RGS7: variants seen among roughly 807,000 people sequenced by gnomAD.
RGS7 encodes the protein regulator of G-protein signaling 7.
Under a neutral mutation model 81.1 loss-of-function variants are expected in RGS7, and 27 were observed. That is an observed-to-expected ratio of 0.33 (90% CI 0.25 to 0.46). The LOEUF is 0.46. RGS7 is among the 20% of genes least tolerant of loss of function. The pLI is 1.00. For missense variants in RGS7, 396 were observed against 607.4 expected (o/e 0.65, Z 3.66); for synonymous variants, 208 against 207.7 (o/e 1.00, Z -0.01).
chr1:241,232,980 T>TA (rs1304706905), intron 2 of RGS7, among the ~76,000 whole-genome samples: 7 of 152,172 alleles, frequency 4.6e-5, no homozygotes, highest in South Asian at 2.1e-4. Context: ...TTGGCTTATA[T>TA]AAAAAAAATC....
At position 240,783,537 on chromosome 1, in the gene RGS7, T is replaced by G. The variant is rs1029939075; in HGVS notation, c.*7-7324A>C. Among the ~76,000 whole-genome samples the G allele has an allele frequency of 7.3e-5, 11 of 150,992 alleles. No individual in the cohort carries two copies. The East Asian group carries it at 9.8e-4, about 13-fold the overall frequency. ...ACCCAGGAGGCTGAGACAGGAGAATTGTTTGAACCCAGGAGACAGAGGTTG... is the reference window on the plus strand; with the variant it reads ...ACCCAGGAGGCTGAGACAGGAGAATGGTTTGAACCCAGGAGACAGAGGTTG... On this transcript the variant is annotated intron_variant, in intron 18 of 18. Transcript: ENST00000440928.
chr1:240,784,002 CCT>C, intron 18 of RGS7, among the ~76,000 whole-genome samples: 1 of 131,314 alleles, frequency 7.6e-6, no homozygotes, highest in East Asian at 2.2e-4. Flanking sequence ...ATGGTGAAAC[CCT>C]GTCTCTACTA....
At chr1:241,113,137 T>C (rs935828169) in intron 2 of RGS7, among the ~76,000 whole-genome samples, 7 of 152,234 alleles carry the variant, frequency 4.6e-5, no homozygotes, top group African/African-American at 1.7e-4. Context: ...TAACTGGCTC[T>C]TTTATATCCA....
At position 241,273,197 on chromosome 1, in the gene RGS7, C is replaced by G. The variant is rs887737348; in HGVS notation, c.78+82502G>C. Among the ~76,000 whole-genome samples the G allele has an allele frequency of 3.2e-5, 4 of 123,340 alleles. No individual in the cohort carries two copies. In the East Asian group the frequency reaches 9.2e-4, roughly 28 times the overall value. 80.9% of individuals were successfully genotyped at this position (123,340 alleles called of 152,430 possible). A position where few individuals can be genotyped will look rare whatever the true frequency, so the allele number is the denominator to read the frequency against. On this transcript the variant is annotated intron_variant, in intron 2 of 18. Transcript: ENST00000440928. Reference sequence around the variant, plus strand: ...TGAACCCCCCCCCCCAAAGGATACACTCCTTCTTCTCTCAAGGCTGAGTTA... The same window carrying G: ...TGAACCCCCCCCCCCAAAGGATACAGTCCTTCTTCTCTCAAGGCTGAGTTA...
chr1:241,323,231 G>T (rs558509054), intron 2 of RGS7, among the ~76,000 whole-genome samples: 2 of 152,330 alleles, frequency 1.3e-5, no homozygotes, highest in East Asian at 3.9e-4. Context: ...GTGGCTATAA[G>T]TGCCAATGAA....
At chr1:241,280,949 G>A (rs1264518529) in intron 2 of RGS7, among the ~76,000 whole-genome samples, 1 of 151,998 alleles carries the variant, frequency 6.6e-6, no homozygotes, top group Non-Finnish European at 1.5e-5. Context: ...AACTATTCAG[G>A]TCCATTTATA....
intron 2 of RGS7, among the ~76,000 whole-genome samples, chr1:241,310,284 T>C (rs2080430728): frequency 6.6e-6 from 1 of 152,190 alleles, no homozygotes; most frequent in African/African-American, 2.4e-5. Flanking sequence ...TCTTCTAATG[T>C]AGTCAAGTCT....
chr1:241,037,478 T>C (rs1009412757), intron 3 of RGS7, among the ~76,000 whole-genome samples: 2 of 152,134 alleles, frequency 1.3e-5, no homozygotes, highest in African/African-American at 4.8e-5. Flanking sequence ...CCCAGCACTT[T>C]GGGAGGCCGA....
intron 2 of RGS7, among the ~76,000 whole-genome samples, chr1:241,294,540 TAG>T (rs2079279891): frequency 6.6e-6 from 1 of 152,232 alleles, no homozygotes; most frequent in East Asian, 1.9e-4. Context: ...AAAATAAATT[TAG>T]TATCGCCTAA....
chr1:240,970,327 C>A (rs1056568191), intron 4 of RGS7, among the ~76,000 whole-genome samples: 1 of 152,188 alleles, frequency 6.6e-6, no homozygotes, highest in Admixed American at 6.5e-5. Context: ...AACGTATGGC[C>A]TTCATGAAGA....
At chr1:241,101,119 T>C (rs1357525352) in intron 2 of RGS7, among the ~76,000 whole-genome samples, 1 of 152,262 alleles carries the variant, frequency 6.6e-6, no homozygotes, top group South Asian at 2.1e-4. Context: ...ATAATACCTT[T>C]ATCAGCAATC....
chr1:240,817,338 G>A (rs1690985534), intron 10 of RGS7, among the ~76,000 whole-genome samples: 1 of 152,140 alleles, frequency 6.6e-6, no homozygotes, highest in South Asian at 2.1e-4. Flanking sequence ...AACTGCATGA[G>A]CTCCACAAAA....
At chr1:240,893,915 A>T (rs1032151190) in intron 6 of RGS7, among the ~76,000 whole-genome samples, 1 of 152,146 alleles carries the variant, frequency 6.6e-6, no homozygotes, top group Non-Finnish European at 1.5e-5. Flanking sequence ...GGCATTGATC[A>T]ATTTCTTTTA....
At chr1:240,804,837 G>A (rs1466726806) in intron 15 of RGS7, among the ~76,000 whole-genome samples, 1 of 152,136 alleles carries the variant, frequency 6.6e-6, no homozygotes, top group Non-Finnish European at 1.5e-5. Flanking sequence ...CCAGTTAGCT[G>A]TTAAAATTCA....
At chr1:240,791,228 G>A (rs1460590707) in intron 18 of RGS7, among the ~76,000 whole-genome samples, 1 of 152,166 alleles carries the variant, frequency 6.6e-6, no homozygotes, top group African/African-American at 2.4e-5. Context: ...AGGAATAAGT[G>A]GTGTATTTAG....
chr1:241,014,070 G>C (rs2059105614), intron 3 of RGS7, among the ~76,000 whole-genome samples: 1 of 152,192 alleles, frequency 6.6e-6, no homozygotes, highest in Non-Finnish European at 1.5e-5. Flanking sequence ...GTCAATTCCT[G>C]ATAAAAGACT....
chr1:241,048,370 T>C (rs924131474), intron 3 of RGS7, among the ~76,000 whole-genome samples: 4 of 152,152 alleles, frequency 2.6e-5, no homozygotes, highest in Non-Finnish European at 5.9e-5. Flanking sequence ...TACTCTTTTA[T>C]AAAGAGTGAA....
At chr1:241,067,916 C>T (rs1572530377) in intron 3 of RGS7, among the ~76,000 whole-genome samples, 2 of 147,330 alleles carry the variant, frequency 1.4e-5, no homozygotes, top group South Asian at 2.1e-4. Flanking sequence ...TAACTAGTTT[C>T]GGGCCTAATA....
At chr1:240,776,313 G>T in intron 18 of RGS7, 100 bp from the exon 19 acceptor site, 1 of 898,934 alleles carries the variant, frequency 1.1e-6, no homozygotes, top group Non-Finnish European at 1.9e-6. Context: ...TGATTTTTGT[G>T]CAAGGTCAAC....
Sources: gnomAD v4.1 joint callset for allele counts (sites outside exome capture counted in the v4.1 genomes callset) on GRCh38, gnomAD v4.1.1 for gene constraint, MANE v1.5 for transcripts, NCBI Gene and HGNC (gene_info 2026-07-23, HGNC 2026-07-21) for gene names.